The following NEK6 variants were observed in gnomAD, a reference collection of about 807,000 sequenced individuals.
The protein encoded by NEK6 is serine/threonine-protein kinase Nek6.
NEK6 carries 27 observed loss-of-function variants against 43.5 expected under a neutral mutation model. The ratio of observed to expected loss-of-function variants is 0.62; its 90% CI spans 0.46 to 0.86. NEK6 has a LOEUF of 0.86. NEK6 is among the 40% of genes least tolerant of loss of function. NEK6 has a pLI of 0.00. For missense variants in NEK6, 318 were observed against 414.4 expected (o/e 0.77, Z 2.02); for synonymous variants, 167 against 164.1 (o/e 1.02, Z -0.14).
At chr9:124,344,706 G>A (rs2131078064) in intron 8 of NEK6, among the ~76,000 whole-genome samples, 1 of 152,356 alleles carries the variant, frequency 6.6e-6, no homozygotes, top group African/African-American at 2.4e-5. Context: ...TGCAATTACG[G>A]AGCTAGAGGA....
At chr9:124,300,381 G>A (rs913793054) in intron 1 of NEK6, among the ~76,000 whole-genome samples, 2 of 152,132 alleles carry the variant, frequency 1.3e-5, no homozygotes, top group Non-Finnish European at 2.9e-5. Context: ...GAACACCCCC[G>A]TGTTAATGGG....
At chr9:124,314,947 A>T (rs1211354786) in intron 4 of NEK6, among the ~76,000 whole-genome samples, 1 of 152,194 alleles carries the variant, frequency 6.6e-6, no homozygotes, top group African/African-American at 2.4e-5. Context: ...GGCGGGAGCC[A>T]CCGCACCCGG....
intron 2 of NEK6, among the ~76,000 whole-genome samples, chr9:124,307,130 T>A (rs200527949): frequency 1.3e-4 from 20 of 149,830 alleles, no homozygotes; most frequent in African/African-American, 4.4e-4. Context: ...TGCTCCTGTT[T>A]AAAAAAAAAA....
chr9:124,277,771 C>T (rs1416876196), intron 1 of NEK6, among the ~76,000 whole-genome samples: 2 of 152,224 alleles, frequency 1.3e-5, no homozygotes, highest in African/African-American at 2.4e-5. Flanking sequence ...GGAGCGCGCC[C>T]GCAGGCCCCA....
chr9:124,275,098 G>C lies in NEK6; in HGVS notation c.-30+17013G>C, dbSNP rs1036103404. Among the ~76,000 whole-genome samples, 2 of 152,198 alleles carry C rather than the reference G, an allele frequency of 1.3e-5. No homozygotes were observed. Among genetic ancestry groups the C allele is most frequent in the African/African-American group, 4.8e-5 (2 of 41,444 alleles). On this transcript the variant is annotated intron_variant, in intron 1 of 9. Coordinates refer to ENST00000320246, the MANE Select transcript of NEK6 (RefSeq NM_014397.6). This position sits in a 1 kb window ranked among gnomAD's most constrained non-coding sequence, Gnocchi z 4.4. Reference sequence around the variant, plus strand: ...ACACTTCCATCCCAGTAAACTCCAGGAGGGTGAGACTGTGCACAGCACACA... The same window carrying C: ...ACACTTCCATCCCAGTAAACTCCAGCAGGGTGAGACTGTGCACAGCACACA...
intron 1 of NEK6, among the ~76,000 whole-genome samples, chr9:124,291,512 A>T (rs947549985): frequency 1.3e-5 from 2 of 152,046 alleles, no homozygotes; most frequent in Admixed American, 1.3e-4. Context: ...TGTAATCCCA[A>T]CTGCTTGGGA....
chr9:124,327,715 G>A (rs2130957094), intron 7 of NEK6, among the ~76,000 whole-genome samples: 1 of 152,326 alleles, frequency 6.6e-6, no homozygotes, highest in Admixed American at 6.5e-5. Context: ...AGCAGGGGGC[G>A]TGTCTGTGGC....
intron 4 of NEK6, among the ~76,000 whole-genome samples, chr9:124,315,313 G>A (rs1403684047): frequency 1.3e-5 from 2 of 152,164 alleles, no homozygotes; most frequent in African/African-American, 4.8e-5. Context: ...ATTATGGGAG[G>A]TTGGGGAGAC....
At chr9:124,315,630 T>C (rs996080226) in intron 4 of NEK6, among the ~76,000 whole-genome samples, 9 of 152,222 alleles carry the variant, frequency 5.9e-5, no homozygotes, top group Non-Finnish European at 1.0e-4. Flanking sequence ...CCCCACCTCA[T>C]GTGCCCTTCT....
intron 1 of NEK6, among the ~76,000 whole-genome samples, chr9:124,269,788 G>A (rs1285856730): frequency 6.6e-6 from 1 of 152,150 alleles, no homozygotes; most frequent in Non-Finnish European, 1.5e-5. Context: ...TTGAGCCTCT[G>A]CCCTTCTCTT....
intron 8 of NEK6, among the ~76,000 whole-genome samples, chr9:124,340,881 C>T (rs6478656): frequency 5.9e-5 from 9 of 152,166 alleles, no homozygotes; most frequent in African/African-American, 2.2e-4. Context: ...TTGAGGGCTA[C>T]GCTGCCCACC....
chr9:124,277,319 G>A (rs1831686517), intron 1 of NEK6, among the ~76,000 whole-genome samples: 1 of 152,214 alleles, frequency 6.6e-6, no homozygotes, highest in South Asian at 2.1e-4. Flanking sequence ...GGTGGCACAC[G>A]CCTGTAATCC....
intron 4 of NEK6, 70 bp downstream of exon 4, chr9:124,314,055 CA>C (rs1223194083): frequency 7.2e-7 from 1 of 1,387,834 alleles, no homozygotes; most frequent in Non-Finnish European, 1.0e-6. Flanking sequence ...TGGGCCACAT[CA>C]TGTCCATCAC....
Position 124,349,994 on chromosome 9 carries a change from C to T in NEK6, c.832-843C>T, listed in dbSNP as rs181897528. On this transcript the variant is annotated intron_variant, in intron 9 of 9. Transcript: ENST00000320246. ...CCCATCCCTCAGCCTAACGGGCCTG[C>T]GCAGCAGTAGCCCCCGGGCCTCCAG... 1.1e-3 allele frequency among the ~76,000 whole-genome samples: 165 copies of T among 152,350 alleles called. 1 individual carries two copies. Among genetic ancestry groups the T allele is most frequent in the Admixed American group, 9.6e-3 (147 of 15,312 alleles).
chr9:124,304,159 C>A (rs1245837901), intron 2 of NEK6, among the ~76,000 whole-genome samples: 1 of 152,238 alleles, frequency 6.6e-6, no homozygotes, highest in Non-Finnish European at 1.5e-5. Context: ...TGTGCCGTGC[C>A]GGCTCCAGGT....
At chr9:124,292,223 C>A in intron 1 of NEK6, 2 of 1,249,708 alleles carry the variant, frequency 1.6e-6, no homozygotes, top group Non-Finnish European at 2.1e-6. Context: ...TGCACCTCTG[C>A]CACCCACCGC....
In NEK6 at chr9:124,347,697, C is replaced by CGT; in HGVS notation, c.718-11_718-10dup. 1 of 1,543,346 alleles carries CGT rather than the reference C, an allele frequency of 6.5e-7. No homozygotes were observed. On this transcript the variant is annotated splice_polypyrimidine_tract_variant and intron_variant, in intron 8 of 9. Coordinates refer to ENST00000320246, the MANE Select transcript of NEK6 (RefSeq NM_014397.6). ...GCCGAAAGCTTATCTTCGTTGTTCC[C>CGT]GTCCCTTGCAGATGGCAGCCCTCCA...
rs533197806 is a variant in NEK6 at position 124,277,690 on chromosome 9, G to A, written c.-30+19605G>A. ...GTCTTCCCTAAATTCCTATTTCTGC[G>A]TGTCGTTTATTCTCTTCCCTGTCAG... On this transcript the variant is annotated intron_variant, in intron 1 of 9. Coordinates refer to ENST00000320246, the MANE Select transcript of NEK6 (RefSeq NM_014397.6). Among the ~76,000 whole-genome samples, 24 of 152,330 alleles carry A rather than the reference G, an allele frequency of 1.6e-4. 1 individual carries two copies. The South Asian group carries it at 3.1e-3, about 20-fold the overall frequency.
intron 1 of NEK6, among the ~76,000 whole-genome samples, chr9:124,264,003 G>T (rs10760344): frequency 0.29 from 43,924 of 152,158 alleles, 6,626 homozygotes; most frequent in South Asian, 0.35. Context: ...CGTCGGCCCC[G>T]CAGAGGACTG....
Sources: gnomAD v4.1 joint callset for allele counts (sites outside exome capture counted in the v4.1 genomes callset) on GRCh38, gnomAD v4.1.1 for gene constraint, Gnocchi (gnomAD v3.1) non-coding constraint, MANE v1.5 for transcripts, NCBI Gene and HGNC (gene_info 2026-07-23, HGNC 2026-07-21) for gene names.